PRDM11: variants seen among roughly 807,000 people sequenced by gnomAD.
PRDM11 encodes the protein PR domain-containing protein 11.
PRDM11 carries 20 observed loss-of-function variants against 97.8 expected under a neutral mutation model. The observed-to-expected ratio is 0.20, with a 90% CI of 0.14 to 0.30. PRDM11 has a LOEUF of 0.30. PRDM11 is among the 10% of genes least tolerant of loss of function. The pLI is 1.00. For missense variants in PRDM11, 1,139 were observed against 1,555.2 expected, an observed-to-expected ratio of 0.73 and a Z score of 4.50; for synonymous variants, 599 against 637.7, an observed-to-expected ratio of 0.94 and a Z score of 0.91.
chr11:45,151,144 G>C (rs1195873645), intron 1 of PRDM11, among the ~76,000 whole-genome samples: 2 of 152,138 alleles, frequency 1.3e-5, no homozygotes, highest in African/African-American at 2.4e-5. Context: ...TTGAGCATGG[G>C]GTTCTTGGCT....
chr11:45,193,763 C>T (rs1287104932), intron 4 of PRDM11, among the ~76,000 whole-genome samples: 8 of 152,200 alleles, frequency 5.3e-5, no homozygotes, highest in Non-Finnish European at 7.3e-5. Context: ...CTCTTGCTCA[C>T]GTATCTGCTG....
rs191486833 is a variant in PRDM11, at chr11:45,207,053, T to G, written c.554+2275T>G. Reference sequence around the variant, plus strand: ...CAGCCTGTCCTGATTCAAGATGGCATCTGGGTAGTCACAGCTGGTGGGCTC... The same window carrying G: ...CAGCCTGTCCTGATTCAAGATGGCAGCTGGGTAGTCACAGCTGGTGGGCTC... On this transcript the variant is annotated intron_variant, in intron 5 of 7. Transcript: ENST00000683152. 2.7e-3 allele frequency among the ~76,000 whole-genome samples: 410 copies of G among 152,308 alleles called. 2 individuals carry two copies. The highest frequency in any genetic ancestry group is 9.2e-3 in the African/African-American group (383 of 41,556).
chr11:45,099,020 G>C (rs1376511393), intron 1 of PRDM11, among the ~76,000 whole-genome samples: 1 of 152,152 alleles, frequency 6.6e-6, no homozygotes, highest in Non-Finnish European at 1.5e-5. Flanking sequence ...GGACTGGAGA[G>C]GGATCATTGG....
At chr11:45,121,254 T>C (rs1267187954) in intron 1 of PRDM11, among the ~76,000 whole-genome samples, 2 of 152,090 alleles carry the variant, frequency 1.3e-5, no homozygotes, top group Admixed American at 1.3e-4. Context: ...AAGATGCAAA[T>C]ATTAGTTGTT....
intron 2 of PRDM11, 60 bp downstream of exon 2, chr11:45,181,945 G>C (rs1309514469): frequency 4.7e-6 from 7 of 1,484,772 alleles, no homozygotes; most frequent in East Asian, 4.6e-5. Flanking sequence ...GCCTGGGCTC[G>C]GTTGGTTGGG....
intron 1 of PRDM11, among the ~76,000 whole-genome samples, chr11:45,114,183 C>A (rs1218395264): frequency 1.3e-5 from 2 of 151,822 alleles, no homozygotes; most frequent in East Asian, 1.9e-4. Flanking sequence ...TGCTCAAGGA[C>A]TTAAAGAACA....
Position 45,182,307 on chromosome 11 carries a change from G to A in PRDM11, c.181G>A (p.Asp61Asn), listed in dbSNP as rs1168816415. The A allele has an allele frequency of 3.7e-6, 6 of 1,613,904 alleles. No individual in the cohort carries two copies. Among genetic ancestry groups the A allele is most frequent in the East Asian group, 2.2e-5 (1 of 44,894 alleles). Residue 61 changes from aspartate to asparagine, a missense_variant, in exon 3 of 8, where the codon GAC becomes AAC. This residue lies in a region of PRDM11 where 429 missense variants were observed against 510.3 expected (regional missense o/e 0.84). Transcript: ENST00000683152. ...GCCCAAGAAACTGAAGGGGAAGCGCGACCTCATCGTGCCCAAAAGCTTCCA... is the reference window on the plus strand; with the variant it reads ...GCCCAAGAAACTGAAGGGGAAGCGCAACCTCATCGTGCCCAAAAGCTTCCA... ...VEPKKLKGKR[D>N]LIVPKSFQQV...
At chr11:45,155,753 C>T (rs1417723291) in intron 1 of PRDM11, among the ~76,000 whole-genome samples, 1 of 151,822 alleles carries the variant, frequency 6.6e-6, no homozygotes, top group East Asian at 2.0e-4. Context: ...AACCGGCAGT[C>T]TCTCTTGACC....
At chr11:45,108,354 T>C (rs188682021) in intron 1 of PRDM11, among the ~76,000 whole-genome samples, 151 of 152,298 alleles carry the variant, frequency 9.9e-4, no homozygotes, top group African/African-American at 3.4e-3. Flanking sequence ...CTTGGTCCAA[T>C]TGGGCCCCTG....
chr11:45,146,142 C>T (rs2135673610), upstream of PRDM11, among the ~76,000 whole-genome samples: 1 of 152,294 alleles, frequency 6.6e-6, no homozygotes, highest in African/African-American at 2.4e-5. Context: ...TCGCGGGACG[C>T]CTGCGTCTCG....
intron 1 of PRDM11, among the ~76,000 whole-genome samples, chr11:45,122,911 C>T (rs1406088850): frequency 2.0e-5 from 3 of 151,996 alleles, no homozygotes; most frequent in Admixed American, 2.0e-4. Flanking sequence ...CCTGAGGAAT[C>T]GCCACACTGA....
intron 5 of PRDM11, chr11:45,214,390 C>A (rs1443865065): frequency 6.6e-6 from 1 of 152,086 alleles, no homozygotes; most frequent in African/African-American, 2.4e-5. Context: ...ACCCAACAAC[C>A]CCCCACCCTC....
At position 45,159,284 on chromosome 11, in the gene PRDM11, T is replaced by G. The variant is rs1029251060; in HGVS notation, c.-7+12407T>G. ...CCTCCTGGGCCCAGCAGTGGCCTCC[T>G]TCCTGGCTGCCCTGGGCTCCTGGCC... On this transcript the variant is annotated intron_variant, in intron 1 of 7. Transcript: ENST00000683152. Among the ~76,000 whole-genome samples the G allele has an allele frequency of 4.6e-5, 7 of 152,228 alleles. No individual in the cohort carries two copies. The East Asian group carries it at 5.8e-4, about 13-fold the overall frequency.
intron 4 of PRDM11, among the ~76,000 whole-genome samples, chr11:45,191,500 A>G (rs1258657447): frequency 1.5e-4 from 23 of 152,220 alleles, no homozygotes; most frequent in Non-Finnish European, 5.9e-5. Flanking sequence ...TAGTATTCAT[A>G]TGAACATGAA....
chr11:45,103,601 GA>G (rs1852015373), intron 1 of PRDM11, among the ~76,000 whole-genome samples: 1 of 151,932 alleles, frequency 6.6e-6, no homozygotes, highest in East Asian at 1.9e-4. Context: ...GAGGGAGCTT[GA>G]GGGGGCCTTT....
intron 1 of PRDM11, among the ~76,000 whole-genome samples, chr11:45,117,854 A>G (rs113737857): frequency 4.8e-4 from 73 of 152,352 alleles, no homozygotes; most frequent in African/African-American, 1.7e-3. Flanking sequence ...GAAAGAAGGG[A>G]AAACGAGTAA....
chr11:45,153,246 A>G (rs1203259857), intron 1 of PRDM11, among the ~76,000 whole-genome samples: 1 of 152,232 alleles, frequency 6.6e-6, no homozygotes, highest in African/African-American at 2.4e-5. Context: ...GTCCCTTGGC[A>G]GGGAAAGGGA....
chr11:45,171,935 A>G (rs1455414453), intron 1 of PRDM11, among the ~76,000 whole-genome samples: 1 of 148,516 alleles, frequency 6.7e-6, no homozygotes, highest in African/African-American at 2.5e-5. Context: ...TTCTGTAACT[A>G]TCTAGAGCTG....
chr11:45,184,843 G>GCCCCAC (rs1565301334), intron 4 of PRDM11, among the ~76,000 whole-genome samples: 1 of 152,140 alleles, frequency 6.6e-6, no homozygotes, highest in African/African-American at 2.4e-5. Context: ...GTCAGTGGGG[G>GCCCCAC]TGTGGGTGTG....
Sources: gnomAD v4.1 joint callset for allele counts (sites outside exome capture counted in the v4.1 genomes callset) on GRCh38, gnomAD v4.1.1 for gene constraint, gnomAD v4.1.1 regional missense constraint, MANE v1.5 for transcripts, NCBI Gene and HGNC (gene_info 2026-07-23, HGNC 2026-07-21) for gene names.